The following HMGCLL1 variants were observed in gnomAD, a reference collection of about 807,000 sequenced individuals.
The protein encoded by HMGCLL1 is 3-hydroxy-3-methylglutaryl-CoA lyase like 1, also known as 3-hydroxymethyl-3-methylglutaryl-CoA lyase, cytoplasmic.
HMGCLL1 carries 36 observed loss-of-function variants against 39.1 expected under a neutral mutation model. That is an observed-to-expected ratio of 0.92 (90% CI 0.71 to 1.22). The LOEUF (loss-of-function observed/expected upper bound fraction) is 1.22, where lower values mean the gene tolerates loss of function less well. HMGCLL1 is among the 50% of genes most tolerant of loss of function. The pLI is 0.00. For synonymous variants in HMGCLL1, 149 were observed against 144.0 expected (o/e 1.03, Z -0.25); for missense variants, 451 against 416.5 (o/e 1.08, Z -0.72).
chr6:55,493,866 G>A (rs1490749770), intron 7 of HMGCLL1, among the ~76,000 whole-genome samples: 3 of 151,858 alleles, frequency 2.0e-5, no homozygotes. Context: ...CCAAGTAGCT[G>A]GGACTACAGG....
chr6:55,660,764 A>G, the HMGCLL1 span, among the ~76,000 whole-genome samples: 47,332 of 151,704 alleles, frequency 0.31, 7,532 homozygotes, highest in East Asian at 0.41. Flanking sequence ...AATTTTAAAA[A>G]GTTCTGTTTT....
chr6:55,615,231 C>G, the HMGCLL1 span, among the ~76,000 whole-genome samples: 2 of 151,826 alleles, frequency 1.3e-5, no homozygotes, highest in Non-Finnish European at 2.9e-5. Flanking sequence ...CCACTCACTC[C>G]TATAAAAATT....
chr6:55,551,630 AG>A (rs1367634951), intron 1 of HMGCLL1, among the ~76,000 whole-genome samples: 1 of 151,984 alleles, frequency 6.6e-6, no homozygotes, highest in Admixed American at 6.6e-5. Flanking sequence ...TAAAAGATAC[AG>A]GGGTGATGGC....
chr6:55,455,661 G>A (rs1366490541), intron 7 of HMGCLL1, among the ~76,000 whole-genome samples: 3 of 152,168 alleles, frequency 2.0e-5, no homozygotes, highest in African/African-American at 7.2e-5. Flanking sequence ...TGATTCCAGA[G>A]CCAAATAGAC....
chr6:55,463,507 A>T (rs1334828341), intron 7 of HMGCLL1, among the ~76,000 whole-genome samples: 1 of 152,210 alleles, frequency 6.6e-6, no homozygotes, highest in African/African-American at 2.4e-5. Flanking sequence ...AATATTCCAG[A>T]AAAGTTATTC....
chr6:55,666,444 C>T, the HMGCLL1 span, among the ~76,000 whole-genome samples: 5 of 151,438 alleles, frequency 3.3e-5, no homozygotes, highest in African/African-American at 1.2e-4. Flanking sequence ...TAAGCAAAAG[C>T]AGTTATATTT....
At chr6:55,532,692 T>C (rs188997757) in intron 3 of HMGCLL1, among the ~76,000 whole-genome samples, 2,165 of 151,746 alleles carry the variant, frequency 0.014, 50 homozygotes, top group African/African-American at 0.049. Flanking sequence ...TCCCAGCTAC[T>C]TGAGAGGCTG....
the HMGCLL1 span, among the ~76,000 whole-genome samples, chr6:55,641,680 G>A: frequency 1.8e-4 from 27 of 151,842 alleles, 1 homozygote; most frequent in South Asian, 5.6e-3. Flanking sequence ...AATTATTTCA[G>A]CCATTATAAT....
the HMGCLL1 span, among the ~76,000 whole-genome samples, chr6:55,589,109 G>A: frequency 6.6e-6 from 1 of 152,026 alleles, no homozygotes; most frequent in African/African-American, 2.4e-5. Flanking sequence ...TGAAAAAAGA[G>A]AATTTTAGAC....
At chr6:55,525,839 G>T (rs1768289051) in intron 3 of HMGCLL1, among the ~76,000 whole-genome samples, 1 of 151,908 alleles carries the variant, frequency 6.6e-6, no homozygotes. Context: ...GTGAGGAGTA[G>T]AAGTTTTGGA....
At chr6:55,663,509 T>G in the HMGCLL1 span, among the ~76,000 whole-genome samples, 44 of 151,888 alleles carry the variant, frequency 2.9e-4, no homozygotes, top group East Asian at 6.6e-3. Flanking sequence ...CAATTTCTTT[T>G]AGTATTGATT....
intron 7 of HMGCLL1, among the ~76,000 whole-genome samples, chr6:55,475,743 G>A (rs182280398): frequency 6.6e-6 from 1 of 151,638 alleles, no homozygotes; most frequent in African/African-American, 2.4e-5. Context: ...TTACTCTCAT[G>A]TTATTTACTT....
intron 8 of HMGCLL1, among the ~76,000 whole-genome samples, chr6:55,439,116 A>G (rs539674097): frequency 2.0e-4 from 30 of 152,238 alleles, no homozygotes; most frequent in Admixed American, 6.6e-4. Flanking sequence ...AAACTCAACA[A>G]TCGTAACAGC....
At chr6:55,527,939 A>C (rs1768410153) in intron 3 of HMGCLL1, among the ~76,000 whole-genome samples, 1 of 152,056 alleles carries the variant, frequency 6.6e-6, no homozygotes, top group African/African-American at 2.4e-5. Context: ...TTCCGAGTAC[A>C]TCTCATGTTC....
the HMGCLL1 span, among the ~76,000 whole-genome samples, chr6:55,627,248 G>T: frequency 5.9e-5 from 9 of 151,970 alleles, no homozygotes; most frequent in Non-Finnish European, 8.8e-5. Context: ...GTATACACTT[G>T]TATTAAGAAA....
rs9475308 is a variant in HMGCLL1, at chr6:55,477,228, A to T, written c.795+18191T>A. On this transcript the variant is annotated intron_variant, in intron 7 of 8. Transcript: ENST00000274901. ...AATATATATTATATTATAATATATA[A>T]TATATATTATATTTATATAATATAT... Among the ~76,000 whole-genome samples, 8 of 19,216 alleles carry T rather than the reference A, an allele frequency of 4.2e-4. No individual in the cohort carries two copies. In the South Asian group the frequency reaches 6.3e-3, roughly 15 times the overall value. 12.6% of individuals were successfully genotyped at this position (19,216 alleles called of 152,430 possible). A position where few individuals can be genotyped will look rare whatever the true frequency, so the allele number is the denominator to read the frequency against.
intron 7 of HMGCLL1, among the ~76,000 whole-genome samples, chr6:55,457,983 A>G (rs961145722): frequency 6.6e-5 from 10 of 152,102 alleles, no homozygotes; most frequent in African/African-American, 1.4e-4. Context: ...CACTAGAACC[A>G]CATATTTGGA....
the HMGCLL1 span, among the ~76,000 whole-genome samples, chr6:55,586,742 T>G: frequency 6.6e-6 from 1 of 152,106 alleles, no homozygotes; most frequent in African/African-American, 2.4e-5. Flanking sequence ...TTTTTATGGC[T>G]GCATAGTATT....
At chr6:55,539,957 GA>G (rs1769278347) in intron 3 of HMGCLL1, among the ~76,000 whole-genome samples, 2 of 27,916 alleles carry the variant, frequency 7.2e-5, no homozygotes, top group Non-Finnish European at 1.4e-4. Context: ...AGGAAGGAAG[GA>G]AGGAAGGAAG....
Sources: allele counts gnomAD v4.1 joint callset (sites outside exome capture counted in the v4.1 genomes callset), GRCh38; gene constraint gnomAD v4.1.1; transcripts MANE v1.5; gene names NCBI Gene and HGNC (gene_info 2026-07-23, HGNC 2026-07-21).